The following SDK1 variants were observed in gnomAD, a reference collection of about 807,000 sequenced individuals.
SDK1 encodes sidekick cell adhesion molecule 1, also known as protein sidekick-1.
Under a neutral mutation model 245.5 loss-of-function variants are expected in SDK1, and 157 were observed. The observed-to-expected ratio is 0.64, with a 90% CI of 0.56 to 0.73. SDK1 has a LOEUF of 0.73. SDK1 is among the 30% of genes least tolerant of loss of function. The pLI is 0.00. For missense variants in SDK1, 3,583 were observed against 3,002.3 expected (o/e 1.19, Z -4.52); for synonymous variants, 1,647 against 1,278.5 (o/e 1.29, Z -6.15).
intron 14 of SDK1, among the ~76,000 whole-genome samples, chr7:4,010,336 G>A (rs796466575): frequency 1.1e-4 from 17 of 152,296 alleles, no homozygotes; most frequent in African/African-American, 2.9e-4. Flanking sequence ...AAGCCTTGCC[G>A]GCAAGAGTGC....
chr7:3,465,570 A>G (rs1780973067), intron 1 of SDK1, among the ~76,000 whole-genome samples: 1 of 152,086 alleles, frequency 6.6e-6, no homozygotes, highest in Non-Finnish European at 1.5e-5. Context: ...CTAGGTTCAT[A>G]TACTGTTGGG....
intron 4 of SDK1, among the ~76,000 whole-genome samples, chr7:3,693,455 G>C (rs1784488597): frequency 6.6e-6 from 1 of 152,122 alleles, no homozygotes; most frequent in Non-Finnish European, 1.5e-5. Context: ...ATCGGTTTGA[G>C]GAGAACTGAC....
intron 36 of SDK1, 134 bp from the exon 37 acceptor site, chr7:4,207,965 C>T (rs926924346): frequency 1.5e-6 from 1 of 683,264 alleles, no homozygotes; most frequent in South Asian, 1.9e-5. Flanking sequence ...AGGAGGGAGC[C>T]TTTCCACCTT....
At chr7:3,592,255 G>A (rs908712950) in intron 1 of SDK1, among the ~76,000 whole-genome samples, 5 of 152,118 alleles carry the variant, frequency 3.3e-5, no homozygotes, top group African/African-American at 1.2e-4. Context: ...TAAAATGTCA[G>A]CTATCTATCG....
At chr7:3,670,206 T>A (rs1198063121) in intron 4 of SDK1, among the ~76,000 whole-genome samples, 1 of 152,216 alleles carries the variant, frequency 6.6e-6, no homozygotes, top group Non-Finnish European at 1.5e-5. Context: ...CTGATCTTGT[T>A]ACTCTGTTCC....
intron 1 of SDK1, among the ~76,000 whole-genome samples, chr7:3,513,788 A>G (rs541092314): frequency 6.6e-6 from 1 of 152,108 alleles, no homozygotes; most frequent in East Asian, 1.9e-4. Flanking sequence ...GTCTAGTCCC[A>G]CCCACCCTTA....
In SDK1 at chr7:4,132,431, A is replaced by G; in HGVS notation, c.4228+8A>G. On this transcript the variant is annotated splice_region_variant and intron_variant, in intron 28 of 44. Transcript: ENST00000404826. ...CCAACGGCATCATCCTGGGTAAGGG[A>G]GCGGCGGTGGCCGGGCGTGGTGGCT... is the stretch of plus-strand genomic sequence containing the variant. The G allele has an allele frequency of 1.3e-6, 2 of 1,598,658 alleles. No homozygotes were observed. Among genetic ancestry groups the G allele is most frequent in the South Asian group, 1.1e-5 (1 of 90,080 alleles).
intron 4 of SDK1, among the ~76,000 whole-genome samples, chr7:3,644,328 G>A (rs925857607): frequency 6.6e-6 from 1 of 150,944 alleles, no homozygotes; most frequent in Non-Finnish European, 1.5e-5. Context: ...TGGGATAATT[G>A]CTATCCTTTT....
At chr7:4,181,650 T>C (rs1316308562) in intron 35 of SDK1, among the ~76,000 whole-genome samples, 2 of 151,852 alleles carry the variant, frequency 1.3e-5, no homozygotes, top group Non-Finnish European at 2.9e-5. Context: ...TCCACGTGAC[T>C]CACCTCTGCC....
chr7:3,343,490 G>T (rs998169831), intron 1 of SDK1, among the ~76,000 whole-genome samples: 1 of 152,226 alleles, frequency 6.6e-6, no homozygotes, highest in African/African-American at 2.4e-5. Flanking sequence ...AGTGGCTAAA[G>T]AGCAGAAGAG....
At chr7:3,949,204 C>A (rs951093427) in intron 5 of SDK1, among the ~76,000 whole-genome samples, 1 of 152,172 alleles carries the variant, frequency 6.6e-6, no homozygotes, top group Non-Finnish European at 1.5e-5. Flanking sequence ...CTGCCTCAGC[C>A]CCCCAGGGAC....
intron 36 of SDK1, among the ~76,000 whole-genome samples, chr7:4,206,532 G>A (rs1784237672): frequency 6.6e-6 from 1 of 152,194 alleles, no homozygotes; most frequent in South Asian, 2.1e-4. Context: ...AACCGCCACG[G>A]TAACATGTGA....
intron 1 of SDK1, among the ~76,000 whole-genome samples, chr7:3,491,539 T>A (rs1312702303): frequency 6.6e-6 from 1 of 152,252 alleles, no homozygotes; most frequent in African/African-American, 2.4e-5. Flanking sequence ...CCCCTATTCA[T>A]AAACCATTGT....
At chr7:3,535,727 C>T (rs989268891) in intron 1 of SDK1, among the ~76,000 whole-genome samples, 5 of 152,138 alleles carry the variant, frequency 3.3e-5, no homozygotes, top group African/African-American at 9.7e-5. Flanking sequence ...TCTACATACA[C>T]AGCGTGGTTG....
intron 1 of SDK1, among the ~76,000 whole-genome samples, chr7:3,560,917 A>C (rs971177966): frequency 6.6e-6 from 1 of 152,198 alleles, no homozygotes; most frequent in Non-Finnish European, 1.5e-5. Context: ...TCTTTTCTCA[A>C]AACATTTCAA....
Position 3,951,009 on chromosome 7 carries a change from A to T in SDK1, c.934A>T (p.Thr312Ser), listed in dbSNP as rs1463432986. ...TGTGGTGGCTGGATCCAGTGAGACC[A>T]CCTTGGAATGTATAGCCAGTGCCAG... ...RSVVAGSSET[T>S]LECIASARPV... is the part of the protein sequence containing the mutation. The change falls in exon 6 of 45, where the codon ACC becomes TCC. Residue 312 changes from threonine (T) to serine (S), a missense_variant. Thr to Ser is a moderately conservative substitution (Grantham distance 58). Transcript: ENST00000404826. 10 of 1,613,676 alleles carry T rather than the reference A, an allele frequency of 6.2e-6. No individual in the cohort carries two copies. The highest frequency in any genetic ancestry group is 8.5e-6 in the Non-Finnish European group (10 of 1,179,718).
rs1416245330 is a variant in SDK1 at position 4,004,324 on chromosome 7, C to T, written c.2132-6642C>T. Among the ~76,000 whole-genome samples the T allele has an allele frequency of 2.0e-5, 3 of 152,326 alleles. No homozygotes were observed. In the South Asian group the frequency reaches 6.2e-4, roughly 32 times the overall value. On this transcript the variant is annotated intron_variant, in intron 14 of 44. Coordinates refer to ENST00000404826, the MANE Select transcript of SDK1 (RefSeq NM_152744.4). The stretch of plus-strand genomic sequence containing the variant: ...TATTTCAGGAGATTCAACATGCAGA[C>T]TGTTGTAGCAAAAACAGTAGTAGAA...
At chr7:3,908,461 C>T (rs1186501211) in intron 5 of SDK1, among the ~76,000 whole-genome samples, 3 of 152,172 alleles carry the variant, frequency 2.0e-5, no homozygotes, top group Non-Finnish European at 2.9e-5. Context: ...GTCCACTCAG[C>T]GGTCCACTCA....
intron 1 of SDK1, among the ~76,000 whole-genome samples, chr7:3,441,118 G>A (rs1271837758): frequency 6.6e-6 from 1 of 152,148 alleles, no homozygotes; most frequent in Non-Finnish European, 1.5e-5. Context: ...GGTGAGTATA[G>A]TACAGTGAAA....
Sources: allele counts gnomAD v4.1 joint callset (sites outside exome capture counted in the v4.1 genomes callset), GRCh38; gene constraint gnomAD v4.1.1; transcripts MANE v1.5; gene names NCBI Gene and HGNC (gene_info 2026-07-23, HGNC 2026-07-21).